The following UGT1A8 variants were observed in gnomAD, a reference collection of about 807,000 sequenced individuals.
UGT1A8 encodes the protein UDP glucuronosyltransferase family 1 member A8, also known as UDP-glucuronosyltransferase 1A8.
Under a neutral mutation model 45.3 loss-of-function variants are expected in UGT1A8, and 39 were observed. The observed-to-expected ratio is 0.86, with a 90% CI of 0.67 to 1.12. UGT1A8 has a LOEUF of 1.12. Among genes scored for constraint, UGT1A8 ranks in the 50% most tolerant of loss-of-function variants. UGT1A8 has a pLI of 0.00. For synonymous variants in UGT1A8, 275 were observed against 249.2 expected (o/e 1.10, Z -0.97); for missense variants, 719 against 664.9 (o/e 1.08, Z -0.90).
intron 1 of UGT1A8, among the ~76,000 whole-genome samples, chr2:233,640,348 T>C (rs1427077512): frequency 6.6e-6 from 1 of 152,198 alleles, no homozygotes; most frequent in African/African-American, 2.4e-5. Context: ...GTCATTTTTT[T>C]AGTGGAAATT....
rs746130687 is a variant in UGT1A8 at position 233,713,609 on chromosome 2, A to G, written c.856-53425A>G. 4 of 1,613,842 alleles carry G rather than the reference A, an allele frequency of 2.5e-6. No individual in the cohort carries two copies. In the African/African-American group the frequency reaches 4.0e-5, roughly 16 times the overall value. On this transcript the variant is annotated intron_variant, in intron 1 of 4. Transcript: ENST00000373450. ...TAACGACCAATTCAGACCACATGACATTCCTGCAAAGGGTCAAGAACATGC... is the reference window on the plus strand; with the variant it reads ...TAACGACCAATTCAGACCACATGACGTTCCTGCAAAGGGTCAAGAACATGC...
chr2:233,765,894 C>T (rs527736361), intron 1 of UGT1A8, among the ~76,000 whole-genome samples: 4 of 152,178 alleles, frequency 2.6e-5, no homozygotes, highest in African/African-American at 9.6e-5. Context: ...CAGTGCGCCA[C>T]TGCTCAAACC....
chr2:233,748,526 A>G (rs1693963242), intron 1 of UGT1A8, among the ~76,000 whole-genome samples: 1 of 151,860 alleles, frequency 6.6e-6, no homozygotes, highest in South Asian at 2.1e-4. Context: ...CGAATGATAG[A>G]GAGGTGACCA....
intron 1 of UGT1A8, among the ~76,000 whole-genome samples, chr2:233,661,708 C>CTT (rs767733403): frequency 2.2e-5 from 2 of 90,858 alleles, no homozygotes; most frequent in Admixed American, 1.1e-4. Context: ...TATCTGGATT[C>CTT]TTTTTTTTTT....
In UGT1A8 at chr2:233,768,473, A is replaced by G. The variant is rs1334897468; in HGVS notation, c.1295+34A>G. ...GAAGATACAGAAGAATACTTTGGTC[A>G]TGGCATTCATGATAAAATTGTTTCA... is the stretch of plus-strand genomic sequence containing the variant. On this transcript the variant is annotated intron_variant, in intron 4 of 4. Transcript: ENST00000373450. The G allele has an allele frequency of 3.8e-6, 6 of 1,597,614 alleles. No homozygotes were observed. The African/African-American group carries it at 4.0e-5, about 11-fold the overall frequency.
At chr2:233,693,661 C>T (rs1196693906) in intron 1 of UGT1A8, 1 of 1,614,126 alleles carries the variant, frequency 6.2e-7, no homozygotes, top group East Asian at 2.2e-5. Flanking sequence ...TGTTGGAGCC[C>T]TATCTATTTT....
At chr2:233,698,870 G>A (rs886928644) in intron 1 of UGT1A8, among the ~76,000 whole-genome samples, 1 of 152,196 alleles carries the variant, frequency 6.6e-6, no homozygotes, top group Non-Finnish European at 1.5e-5. Context: ...GTGACTTTGC[G>A]ACTTTGACCA....
chr2:233,727,417 C>T (rs2077614364), intron 1 of UGT1A8, among the ~76,000 whole-genome samples: 1 of 152,144 alleles, frequency 6.6e-6, no homozygotes, highest in Non-Finnish European at 1.5e-5. Flanking sequence ...TCCTCAGGGT[C>T]TGGGAGTCCC....
intron 1 of UGT1A8, among the ~76,000 whole-genome samples, chr2:233,664,659 T>C (rs999441284): frequency 6.6e-6 from 1 of 152,122 alleles, no homozygotes; most frequent in Non-Finnish European, 1.5e-5. Flanking sequence ...TTGTGAATAC[T>C]CACTGACTAT....
At position 233,729,298 on chromosome 2, in the gene UGT1A8, G is replaced by A. The variant is rs140541315; in HGVS notation, c.856-37736G>A. On this transcript the variant is annotated intron_variant, in intron 1 of 4. Transcript: ENST00000373450. ...GGAGCTCCATGCCAGAGGCCACCAG[G>A]CAGTGGTCCTCACCCCAGAGGTGAA... 186 of 1,614,254 alleles carry A rather than the reference G, an allele frequency of 1.2e-4. No individual in the cohort carries two copies. In the African/African-American group the frequency reaches 1.9e-3, roughly 17 times the overall value.
In UGT1A8 at chr2:233,743,982, C is replaced by T. The variant is rs6735370; in HGVS notation, c.856-23052C>T. The T allele has an allele frequency of 7.7e-4, 997 of 1,297,112 alleles. 32 individuals carry two copies. The African/African-American group carries it at 0.014, about 18-fold the overall frequency. 80.4% of individuals were successfully genotyped at this position (1,297,112 alleles called of 1,614,324 possible). On this transcript the variant is annotated intron_variant, in intron 1 of 4. Coordinates refer to ENST00000373450, the MANE Select transcript of UGT1A8 (RefSeq NM_019076.5). ...AGCGGCAAGGCTGCCAGCACCCAGG[C>T]GCAGGCCCGAGTGCTCGGAGACCTG...
At chr2:233,655,656 G>C (rs2073837727) in intron 1 of UGT1A8, among the ~76,000 whole-genome samples, 1 of 152,174 alleles carries the variant, frequency 6.6e-6, no homozygotes, top group Non-Finnish European at 1.5e-5. Context: ...GGGGATATGG[G>C]GGTGGGTGAT....
chr2:233,754,940 G>C (rs777236330), intron 1 of UGT1A8: 1 of 1,335,680 alleles, frequency 7.5e-7, no homozygotes, highest in Admixed American at 1.9e-5. Flanking sequence ...GGTCAAAGGA[G>C]AATGGGTCCC....
rs562389152 is a variant in UGT1A8 at position 233,767,124 on chromosome 2, G to C, written c.946G>C (p.Ala316Pro). The C allele has an allele frequency of 6.2e-7, 1 of 1,614,112 alleles. No individual in the cohort carries two copies. The highest frequency in any genetic ancestry group is 2.2e-5 in the East Asian group (1 of 44,864). Residue 316 changes from alanine (A) to proline (P), a missense_variant, in exon 2 of 5, where the codon GCT (alanine) becomes CCT (proline). Transcript: ENST00000373450. ...GGTCTCAGAAATTCCAGAGAAGAAA[G>C]CTATGGCAATTGCTGATGCTTTGGG... ...SMVSEIPEKK[A>P]MAIADALGKI...
intron 1 of UGT1A8, among the ~76,000 whole-genome samples, chr2:233,731,261 T>C (rs1490710727): frequency 2.6e-5 from 4 of 151,726 alleles, no homozygotes; most frequent in Non-Finnish European, 4.4e-5. Flanking sequence ...AAATAGTGAC[T>C]GTTGCCCTTC....
intron 1 of UGT1A8, among the ~76,000 whole-genome samples, chr2:233,635,199 G>A (rs1029459125): frequency 2.0e-5 from 3 of 150,676 alleles, no homozygotes; most frequent in African/African-American, 7.4e-5. Flanking sequence ...TTCTTTTCGT[G>A]TGTAACAGGA....
intron 1 of UGT1A8, among the ~76,000 whole-genome samples, chr2:233,645,999 A>G (rs2073592628): frequency 6.6e-6 from 1 of 152,216 alleles, no homozygotes; most frequent in South Asian, 2.1e-4. Context: ...TTCTTTCTGG[A>G]CATCCAGGCA....
At chr2:233,662,558 A>G (rs950806249) in intron 1 of UGT1A8, among the ~76,000 whole-genome samples, 12 of 152,214 alleles carry the variant, frequency 7.9e-5, no homozygotes, top group Non-Finnish European at 1.2e-4. Context: ...GAATTTCCCC[A>G]TAGATGATCA....
chr2:233,736,555 T>G (rs905446962), intron 1 of UGT1A8, among the ~76,000 whole-genome samples: 2 of 152,246 alleles, frequency 1.3e-5, no homozygotes, highest in African/African-American at 4.8e-5. Flanking sequence ...GCTCCATTGC[T>G]AGCAAGGAGC....
Sources: gnomAD v4.1 joint callset for allele counts (sites outside exome capture counted in the v4.1 genomes callset) on GRCh38, gnomAD v4.1.1 for gene constraint, MANE v1.5 for transcripts, NCBI Gene and HGNC (gene_info 2026-07-23, HGNC 2026-07-21) for gene names.